Variants in TMC1 observed in about 807,000 individuals in gnomAD.
TMC1 encodes the protein transmembrane channel-like protein 1.
A neutral mutation model predicts 105.8 loss-of-function variants in TMC1; 84 were observed. The ratio of observed to expected loss-of-function variants is 0.79; its 90% CI spans 0.67 to 0.95. The LOEUF is 0.95. TMC1 is among the 40% of genes least tolerant of loss of function. The pLI is 0.00. For synonymous variants in TMC1, 315 were observed against 311.5 expected (o/e 1.01, Z -0.12); for missense variants, 817 against 914.1 (o/e 0.89, Z 1.37).
intron 2 of TMC1, among the ~76,000 whole-genome samples, chr9:72,589,982 A>G (rs1824610125): frequency 6.6e-6 from 1 of 152,214 alleles, no homozygotes; most frequent in African/African-American, 2.4e-5. Context: ...CTGAGGGAGA[A>G]GCAGCTTCTT....
chr9:72,762,795 C>A (rs1372006678), intron 12 of TMC1, among the ~76,000 whole-genome samples: 1 of 152,204 alleles, frequency 6.6e-6, no homozygotes, highest in Admixed American at 6.5e-5. Flanking sequence ...CTGGGACTGG[C>A]AGTATCAAAG....
At chr9:72,562,855 G>A (rs1038889170) in intron 1 of TMC1, among the ~76,000 whole-genome samples, 1 of 152,138 alleles carries the variant, frequency 6.6e-6, no homozygotes, top group African/African-American at 2.4e-5. Flanking sequence ...GGCGGCAGAC[G>A]CCTGTAACCC....
intron 5 of TMC1, among the ~76,000 whole-genome samples, chr9:72,651,900 C>T (rs1033755457): frequency 1.3e-5 from 2 of 151,890 alleles, no homozygotes; most frequent in African/African-American, 4.8e-5. Flanking sequence ...AGTCTCTTAT[C>T]CCTCACCCCC....
chr9:72,778,047 C>A (rs1429740806), intron 13 of TMC1, among the ~76,000 whole-genome samples: 1 of 152,182 alleles, frequency 6.6e-6, no homozygotes. Flanking sequence ...AAAGTCCTTG[C>A]CTCTGTGGTG....
At chr9:72,641,886 C>T (rs1011038099) in intron 4 of TMC1, among the ~76,000 whole-genome samples, 2 of 140,916 alleles carry the variant, frequency 1.4e-5, no homozygotes, top group East Asian at 2.1e-4. Context: ...GGTGCGATCT[C>T]GGCTCACTGC....
At chr9:72,590,771 A>C (rs1395961151) in intron 2 of TMC1, among the ~76,000 whole-genome samples, 1 of 152,154 alleles carries the variant, frequency 6.6e-6, no homozygotes, top group African/African-American at 2.4e-5. Flanking sequence ...CTAACAGGTG[A>C]GGGCATTATA....
At chr9:72,744,639 A>G (rs1434418523) in intron 10 of TMC1, among the ~76,000 whole-genome samples, 2 of 152,330 alleles carry the variant, frequency 1.3e-5, no homozygotes, top group East Asian at 3.9e-4. Flanking sequence ...TCTGGACCTC[A>G]GTCTACTAAT....
At position 72,836,066 on chromosome 9, in the gene TMC1, C is replaced by CAGGAAAA; in HGVS notation, c.*93_*94insAGGAAAA. On this transcript the variant is annotated 3_prime_UTR_variant, in exon 24 of 24. Transcript: ENST00000297784. ...CGCCCAGAGAACAAGCACTGTGGAA[C>CAGGAAAA]TGCTATTTTCCTGTTCTACCCTTGA... is the stretch of plus-strand genomic sequence containing the variant. The CAGGAAAA allele has an allele frequency of 7.0e-7, 1 of 1,426,910 alleles. No homozygotes were observed. The highest frequency in any genetic ancestry group is 9.8e-7 in the Non-Finnish European group (1 of 1,017,902). The allele number at this position is 1,426,910 out of a possible 1,614,324, so 88.4% of individuals were successfully genotyped here.
chr9:72,584,682 C>G (rs1003616185), intron 2 of TMC1, among the ~76,000 whole-genome samples: 2 of 151,504 alleles, frequency 1.3e-5, no homozygotes, highest in Non-Finnish European at 2.9e-5. Context: ...AGAGGTGAGG[C>G]GAGTAGAATT....
In TMC1 at chr9:72,684,877, T is replaced by C. The variant is rs1017182576; in HGVS notation, c.17-3832T>C. Among the ~76,000 whole-genome samples the C allele has an allele frequency of 2.6e-5, 4 of 152,298 alleles. No individual in the cohort carries two copies. In the East Asian group the frequency reaches 7.7e-4, roughly 29 times the overall value. ...TCCTACAGGGATGACATGGGTTCAT[T>C]TATGCCTGTCATGCCACTGATTAAC... is the stretch of plus-strand genomic sequence containing the variant. On this transcript the variant is annotated intron_variant, in intron 5 of 23. Transcript: ENST00000297784.
intron 2 of TMC1, among the ~76,000 whole-genome samples, chr9:72,606,528 G>A (rs899508089): frequency 2.0e-5 from 3 of 152,126 alleles, no homozygotes; most frequent in African/African-American, 7.2e-5. Context: ...TAAAAATTCA[G>A]TCTGCAGAAA....
intron 1 of TMC1, among the ~76,000 whole-genome samples, chr9:72,575,693 A>G (rs1199160211): frequency 1.3e-5 from 2 of 152,206 alleles, no homozygotes; most frequent in Non-Finnish European, 2.9e-5. Flanking sequence ...AAGAAGCCTC[A>G]TATGAGAAGG....
At chr9:72,534,660 G>A (rs542277497) in intron 1 of TMC1, among the ~76,000 whole-genome samples, 1 of 152,186 alleles carries the variant, frequency 6.6e-6, no homozygotes, top group South Asian at 2.1e-4. Flanking sequence ...AAAGGTTAAT[G>A]GAATTCTATA....
At chr9:72,697,983 T>C (rs1330184743) in intron 7 of TMC1, among the ~76,000 whole-genome samples, 1 of 152,092 alleles carries the variant, frequency 6.6e-6, no homozygotes, top group Non-Finnish European at 1.5e-5. Flanking sequence ...ATCATTTTAA[T>C]TAAAACACAT....
intron 12 of TMC1, among the ~76,000 whole-genome samples, chr9:72,765,872 C>T (rs1564539999): frequency 6.6e-6 from 1 of 152,164 alleles, no homozygotes; most frequent in South Asian, 2.1e-4. Context: ...TAGTGTCAGT[C>T]GTGGGCCATG....
chr9:72,608,335 C>A (rs529746925), intron 2 of TMC1, among the ~76,000 whole-genome samples: 1 of 152,290 alleles, frequency 6.6e-6, no homozygotes, highest in East Asian at 1.9e-4. Flanking sequence ...AACGCTGATA[C>A]CACACCTAGA....
chr9:72,774,493 G>A (rs993135499), intron 13 of TMC1, among the ~76,000 whole-genome samples: 3 of 152,122 alleles, frequency 2.0e-5, no homozygotes, highest in African/African-American at 7.2e-5. Context: ...GATGTTGCTG[G>A]TGGAACACTC....
intron 18 of TMC1, among the ~76,000 whole-genome samples, 169 bp downstream of exon 18, chr9:72,805,679 G>GAGGACCCTGCGGC (rs1384309847): frequency 6.6e-6 from 1 of 151,716 alleles, no homozygotes; most frequent in Non-Finnish European, 1.5e-5. Flanking sequence ...TTCCTAGGCA[G>GAGGACCCTGCGGC]AGGACCCTGC....
At chr9:72,773,087 A>T (rs1827955845) in intron 13 of TMC1, among the ~76,000 whole-genome samples, 2 of 152,128 alleles carry the variant, frequency 1.3e-5, no homozygotes, top group African/African-American at 4.8e-5. Context: ...TTGGGAAAAG[A>T]TTTATTGGAG....
Sources: allele counts gnomAD v4.1 joint callset (sites outside exome capture counted in the v4.1 genomes callset), GRCh38; gene constraint gnomAD v4.1.1; transcripts MANE v1.5; gene names NCBI Gene and HGNC (gene_info 2026-07-23, HGNC 2026-07-21).